Variants in PAK4 observed in about 807,000 individuals in gnomAD.
PAK4 encodes the protein p21 (RAC1) activated kinase 4.
Under a neutral mutation model 53.5 loss-of-function variants are expected in PAK4, and 49 were observed. The observed-to-expected ratio is 0.92, with a 90% confidence interval of 0.73 to 1.16. The LOEUF (loss-of-function observed/expected upper bound fraction) is 1.16. Ranked by LOEUF, PAK4 falls within the 50% of genes most tolerant of loss-of-function variation. The pLI is 0.00. For missense variants in PAK4, 824 were observed against 850.7 expected, an observed-to-expected ratio of 0.97 and a Z score of 0.39; for synonymous variants, 376 against 375.6, an observed-to-expected ratio of 1.00 and a Z score of -0.01.
intron 1 of PAK4, among the ~76,000 whole-genome samples, chr19:39,144,177 GATAGA>G (rs2073962580): frequency 6.7e-6 from 1 of 148,548 alleles, no homozygotes; most frequent in East Asian, 1.9e-4. Context: ...TAGATAGATA[GATAGA>G]TAGATAGATA....
At chr19:39,138,178 G>A (rs1187420536) in intron 1 of PAK4, among the ~76,000 whole-genome samples, 2 of 151,912 alleles carry the variant, frequency 1.3e-5, no homozygotes, top group Non-Finnish European at 2.9e-5. Flanking sequence ...AGTAGAGGTG[G>A]GGTTTCACTA....
intron 1 of PAK4, among the ~76,000 whole-genome samples, chr19:39,141,676 C>T (rs2073912457): frequency 6.6e-6 from 1 of 151,708 alleles, no homozygotes; most frequent in Admixed American, 6.6e-5. Context: ...ACTCTGTCTC[C>T]CAGGCTGGAG....
Position 39,173,119 on chromosome 19 carries a change from G to A in PAK4, c.406G>A (p.Gly136Ser). 1 of 1,547,394 alleles carries A rather than the reference G, an allele frequency of 6.5e-7. No homozygotes were observed. Among genetic ancestry groups the A allele is most frequent in the Non-Finnish European group, 8.7e-7 (1 of 1,145,578 alleles). Residue 136 changes from glycine to serine, a missense_variant, in exon 3 of 9, where the codon GGC becomes AGC. Physicochemically the swap from Gly to Ser is moderately conservative, Grantham distance 56. Transcript: ENST00000358301. The surrounding 1 kb of genome is among the most constrained non-coding windows in gnomAD (Gnocchi z 6.9). ...GGGCCCAGGGAAGGCAGGCAGCCGA[G>A]GCCGGTTCGCCGGTCACAGCGAGGC...
chr19:39,179,260 T>C (rs1328438679), exon 9 of PAK4: 1 of 152,640 alleles, frequency 6.6e-6, no homozygotes, highest in African/African-American at 2.4e-5. Flanking sequence ...CCTGCCCTTA[T>C]TGGGGGACAG....
intron 1 of PAK4, among the ~76,000 whole-genome samples, chr19:39,154,993 G>C (rs553705836): frequency 3.5e-4 from 54 of 152,228 alleles, no homozygotes; most frequent in Non-Finnish European, 6.8e-4. Context: ...CCCAGCCCAC[G>C]TTCTGTGTGT....
intron 1 of PAK4, among the ~76,000 whole-genome samples, chr19:39,157,382 T>C (rs1268784301): frequency 1.4e-5 from 2 of 140,736 alleles, no homozygotes; most frequent in African/African-American, 2.7e-5. Context: ...TCTTTGGGAG[T>C]CTCTGCATCT....
rs757615009 is a variant in PAK4 at position 39,169,652 on chromosome 19, G to A, written c.99G>A (p.Thr33=). The A allele has an allele frequency of 8.1e-6, 13 of 1,613,132 alleles. No individual in the cohort carries two copies. In the Admixed American group the frequency reaches 8.3e-5, roughly 10 times the overall value. ...TCGACCAGCACGAGCAGAAGTTCAC[G>A]GGGCTGCCCCGCCAGTGGCAGAGCC... Residue 33 remains threonine (T), a synonymous_variant, in exon 2 of 9, where the codon ACG becomes ACA. Transcript: ENST00000358301.
chr19:39,131,354 C>T (rs2073706811), intron 1 of PAK4, among the ~76,000 whole-genome samples: 1 of 152,158 alleles, frequency 6.6e-6, no homozygotes. Flanking sequence ...GCCTCCCTTT[C>T]CTTTCTCATC....
In PAK4 at chr19:39,176,728, G is replaced by A. The variant is rs2074613488; in HGVS notation, c.1485+13G>A. On this transcript the variant is annotated intron_variant, in intron 7 of 8. Transcript: ENST00000358301. ...CTACGGGCCAGAGGTGAGCCCCGGG[G>A]TGGCTTGGTTGTCCCGCCGTGGACA... 2.5e-6 allele frequency: 4 copies of A among 1,606,282 alleles called. No homozygotes were observed. Among genetic ancestry groups the A allele is most frequent in the Admixed American group, 1.7e-5 (1 of 59,990 alleles).
intron 1 of PAK4, among the ~76,000 whole-genome samples, chr19:39,127,001 G>A (rs1033918661): frequency 2.0e-5 from 3 of 152,146 alleles, no homozygotes; most frequent in Admixed American, 6.5e-5. Context: ...CAGGGGGCTG[G>A]GCAGGGCTGG....
intron 1 of PAK4, among the ~76,000 whole-genome samples, chr19:39,169,178 G>C (rs1157111266): frequency 6.6e-6 from 1 of 151,914 alleles, no homozygotes; most frequent in African/African-American, 2.4e-5. Flanking sequence ...GGGACGGGGA[G>C]CCCTGTGCAG....
intron 2 of PAK4, 103 bp from the exon 4 acceptor site, chr19:39,172,815 T>C (rs2074508340): frequency 2.1e-6 from 2 of 971,388 alleles, no homozygotes; most frequent in South Asian, 1.6e-5. Context: ...GTCTCTGTCT[T>C]GTCTCTGTGT....
chr19:39,169,440 G>C, intron 1 of PAK4, 92 bp from the exon 3 acceptor site: 1 of 917,160 alleles, frequency 1.1e-6, no homozygotes. Flanking sequence ...GTTGGTCCCG[G>C]TGTAAGATGA....
chr19:39,152,839 T>C (rs1345050539), intron 1 of PAK4, among the ~76,000 whole-genome samples: 1 of 152,204 alleles, frequency 6.6e-6, no homozygotes, highest in Non-Finnish European at 1.5e-5. Flanking sequence ...GTATATATAG[T>C]TGGCCCTGGG....
At chr19:39,157,452 G>C (rs1057297306) in intron 1 of PAK4, among the ~76,000 whole-genome samples, 3 of 152,106 alleles carry the variant, frequency 2.0e-5, no homozygotes, top group Non-Finnish European at 4.4e-5. Context: ...TCCATCCATG[G>C]CTCTTCTGGG....
chr19:39,158,193 G>A (rs1369874823), intron 1 of PAK4, among the ~76,000 whole-genome samples: 4 of 151,686 alleles, frequency 2.6e-5, no homozygotes, highest in African/African-American at 7.3e-5. Flanking sequence ...GTGTGTGAGC[G>A]TGCATGTATG....
chr19:39,154,313 G>GT (rs2074140642), intron 1 of PAK4, among the ~76,000 whole-genome samples: 1 of 152,158 alleles, frequency 6.6e-6, no homozygotes, highest in Admixed American at 6.5e-5. Flanking sequence ...GCCACGGAAT[G>GT]TTTTCGAGAA....
chr19:39,149,346 GTGGA>G (rs1261387796), intron 1 of PAK4, among the ~76,000 whole-genome samples: 1 of 152,252 alleles, frequency 6.6e-6, no homozygotes, highest in African/African-American at 2.4e-5. Context: ...AAGCTATCAT[GTGGA>G]TGGTCTTGAA....
chr19:39,140,297 T>C (rs1164000757), intron 1 of PAK4, among the ~76,000 whole-genome samples: 1 of 152,092 alleles, frequency 6.6e-6, no homozygotes, highest in Non-Finnish European at 1.5e-5. Flanking sequence ...AGGACATCCT[T>C]CTGAGGGGAA....
Sources: gnomAD v4.1 joint callset for allele counts (sites outside exome capture counted in the v4.1 genomes callset) on GRCh38, gnomAD v4.1.1 for gene constraint, Gnocchi (gnomAD v3.1) non-coding constraint, MANE v1.5 for transcripts, NCBI Gene and HGNC (gene_info 2026-07-23, HGNC 2026-07-21) for gene names.